The following PCDH15 variants were observed in gnomAD, a reference collection of about 807,000 sequenced individuals.
The protein encoded by PCDH15 is protocadherin-15.
In PCDH15, 129 loss-of-function variants were observed where a neutral mutation model predicts 178.5. The observed-to-expected ratio is 0.72, with a 90% confidence interval of 0.63 to 0.84. The LOEUF (loss-of-function observed/expected upper bound fraction) is 0.84. PCDH15 is among the 40% of genes least tolerant of loss of function. The pLI, the probability that PCDH15 is intolerant of heterozygous loss-of-function variation, is 0.00. For synonymous variants in PCDH15, 800 were observed against 732.0 expected (o/e 1.09, Z -1.50); for missense variants, 2,230 against 2,099.9 (o/e 1.06, Z -1.21).
chr10:55,020,868 C>T (rs10825437), intron 2 of PCDH15, among the ~76,000 whole-genome samples: 9,172 of 152,166 alleles, frequency 0.06, 381 homozygotes, highest in African/African-American at 0.11. Flanking sequence ...CATCTCTCTG[C>T]CCACCTCCCA....
chr10:55,516,530 A>G (rs1399007853), intron 2 of PCDH15, among the ~76,000 whole-genome samples: 1 of 152,160 alleles, frequency 6.6e-6, no homozygotes, highest in Non-Finnish European at 1.5e-5. Context: ...TCTGAATAGC[A>G]ATGTCTGCCT....
At chr10:55,326,682 T>TAACAAAAGG (rs572228712) in intron 2 of PCDH15, among the ~76,000 whole-genome samples, 114 of 151,942 alleles carry the variant, frequency 7.5e-4, no homozygotes, top group African/African-American at 2.6e-3. Context: ...ATTTGCAATA[T>TAACAAAAGG]AACAAAAGGA....
intron 2 of PCDH15, among the ~76,000 whole-genome samples, chr10:55,385,009 A>T (rs1320416987): frequency 2.0e-5 from 3 of 152,206 alleles, no homozygotes; most frequent in African/African-American, 7.2e-5. Context: ...TAAAGGATAC[A>T]TAATTACAGA....
At chr10:54,573,792 C>A (rs7077960) in intron 2 of PCDH15, among the ~76,000 whole-genome samples, 1 of 152,128 alleles carries the variant, frequency 6.6e-6, no homozygotes, top group Non-Finnish European at 1.5e-5. Context: ...AGGAAAACAG[C>A]GTCCTGTGAA....
chr10:53,990,957 C>T (rs972691430), intron 21 of PCDH15, among the ~76,000 whole-genome samples: 5 of 152,108 alleles, frequency 3.3e-5, no homozygotes, highest in East Asian at 1.9e-4. Flanking sequence ...GCACCCGGGC[C>T]GGCAGCTGCA....
chr10:55,201,864 A>C (rs957203489), intron 1 of PCDH15, among the ~76,000 whole-genome samples: 6 of 152,094 alleles, frequency 3.9e-5, no homozygotes, highest in Admixed American at 3.9e-4. Context: ...TCTACTTTAC[A>C]ATGTGCTTTT....
At chr10:54,691,012 T>C (rs370848706) in intron 1 of PCDH15, among the ~76,000 whole-genome samples, 86 of 152,100 alleles carry the variant, frequency 5.7e-4, no homozygotes, top group African/African-American at 2.0e-3. Context: ...ATGGTGTAAA[T>C]GAAAGTACAA....
intron 2 of PCDH15, among the ~76,000 whole-genome samples, chr10:54,595,539 G>A (rs1435198454): frequency 6.6e-6 from 1 of 152,204 alleles, no homozygotes; most frequent in Non-Finnish European, 1.5e-5. Context: ...AAAAGCCAGA[G>A]TGCCTTCTTT....
At chr10:54,308,446 T>G (rs1000864393) in intron 8 of PCDH15, among the ~76,000 whole-genome samples, 2 of 152,080 alleles carry the variant, frequency 1.3e-5, no homozygotes, top group Non-Finnish European at 2.9e-5. Flanking sequence ...TTTTTTTGCC[T>G]CCTTAATAGT....
intron 13 of PCDH15, among the ~76,000 whole-genome samples, chr10:54,176,909 C>A (rs1378136537): frequency 2.0e-5 from 3 of 151,930 alleles, no homozygotes; most frequent in African/African-American, 7.3e-5. Context: ...ATCCAGCAAT[C>A]CCACTCCTTG....
At chr10:54,314,056 C>T (rs989879435) in intron 8 of PCDH15, among the ~76,000 whole-genome samples, 2 of 151,880 alleles carry the variant, frequency 1.3e-5, no homozygotes, top group East Asian at 1.9e-4. Context: ...TCTATTAACT[C>T]GGAAACATAA....
At chr10:54,243,798 C>T (rs1037649858) in intron 8 of PCDH15, among the ~76,000 whole-genome samples, 6 of 151,900 alleles carry the variant, frequency 3.9e-5, no homozygotes, top group Admixed American at 1.3e-4. Flanking sequence ...TCAGACATAT[C>T]GAAATGTTTT....
At chr10:54,266,150 C>CACACACACACACAT (rs1554868252) in intron 8 of PCDH15, among the ~76,000 whole-genome samples, 3 of 151,412 alleles carry the variant, frequency 2.0e-5, no homozygotes, top group Non-Finnish European at 3.0e-5. Context: ...GACACAAACA[C>CACACACACACACAT]ACACACACAC....
chr10:55,236,356 T>C (rs1841387119), intron 1 of PCDH15, among the ~76,000 whole-genome samples: 1 of 152,028 alleles, frequency 6.6e-6, no homozygotes, highest in South Asian at 2.1e-4. Flanking sequence ...TTCCCTGGGA[T>C]GTGGTTGAAG....
chr10:53,963,561 A>G (rs913658773), intron 21 of PCDH15, among the ~76,000 whole-genome samples: 2 of 152,122 alleles, frequency 1.3e-5, no homozygotes, highest in African/African-American at 4.8e-5. Context: ...ATCTGGCTAA[A>G]CTCTGAACAT....
chr10:54,276,103 A>G (rs1437124693), intron 8 of PCDH15, among the ~76,000 whole-genome samples: 1 of 151,772 alleles, frequency 6.6e-6, no homozygotes, highest in African/African-American at 2.4e-5. Flanking sequence ...AGACTTCTTT[A>G]AAAAGACACA....
intron 2 of PCDH15, among the ~76,000 whole-genome samples, chr10:54,994,462 A>G (rs1482432274): frequency 6.6e-6 from 1 of 152,192 alleles, no homozygotes; most frequent in Non-Finnish European, 1.5e-5. Context: ...TCTAGAAAAT[A>G]TAAAGTATAT....
chr10:55,463,989 AAGAG>A (rs1176341236), intron 2 of PCDH15, among the ~76,000 whole-genome samples: 324 of 17,256 alleles, frequency 0.019, 51 homozygotes, highest in African/African-American at 0.075. Flanking sequence ...GAAAGAAAGA[AAGAG>A]AAAGAAAGAA....
intron 2 of PCDH15, among the ~76,000 whole-genome samples, chr10:55,431,439 A>C (rs1365416097): frequency 6.6e-6 from 1 of 152,154 alleles, no homozygotes; most frequent in East Asian, 1.9e-4. Flanking sequence ...GTTTCTTAAA[A>C]ATTACATCTG....
Sources: gnomAD v4.1 joint callset for allele counts (sites outside exome capture counted in the v4.1 genomes callset) on GRCh38, gnomAD v4.1.1 for gene constraint, MANE v1.5 for transcripts, NCBI Gene and HGNC (gene_info 2026-07-23, HGNC 2026-07-21) for gene names.